BBX: variants seen among roughly 807,000 people sequenced by gnomAD.
The protein encoded by BBX is BBX high mobility group box domain containing.
A neutral mutation model predicts 100.2 loss-of-function variants in BBX; 30 were observed. The ratio of observed to expected loss-of-function variants is 0.30; its 90% CI spans 0.22 to 0.41. The LOEUF is 0.41. BBX is among the 10% of genes least tolerant of loss of function. The pLI is 1.00. For missense variants in BBX, 1,023 were observed against 1,129.8 expected (o/e 0.91, Z 1.35); for synonymous variants, 376 against 388.1 (o/e 0.97, Z 0.37).
chr3:107,574,262 G>T (rs1047130698), intron 2 of BBX, among the ~76,000 whole-genome samples: 4 of 152,146 alleles, frequency 2.6e-5, no homozygotes, highest in Admixed American at 6.5e-5. Context: ...GACCTGGAAA[G>T]GTTAGGTAGG....
At chr3:107,605,866 A>G (rs1488410421) in intron 2 of BBX, among the ~76,000 whole-genome samples, 1 of 152,180 alleles carries the variant, frequency 6.6e-6, no homozygotes. Flanking sequence ...AGCTTTCTTC[A>G]GTACTATTTT....
intron 12 of BBX, 34 bp downstream of exon 12, chr3:107,774,891 A>G: frequency 1.9e-6 from 3 of 1,603,716 alleles, no homozygotes; most frequent in Non-Finnish European, 2.6e-6. Context: ...CCTGTACTCC[A>G]CAAGCCTCAA....
rs187969050 is a variant in BBX at position 107,547,954 on chromosome 3, T to C, written c.-84+21556T>C. Among the ~76,000 whole-genome samples the C allele has an allele frequency of 9.2e-5, 14 of 152,332 alleles. 1 individual carries two copies. In the East Asian group the frequency reaches 2.5e-3, roughly 27 times the overall value. On this transcript the variant is annotated intron_variant, in intron 2 of 17. Coordinates refer to ENST00000325805, the MANE Select transcript of BBX (RefSeq NM_001142568.3). ...ACTCTGACACCTAGATTCTAATTGCTGATTCCTGGAATGGTTGCTTGTCTT... is the reference window on the plus strand; with the variant it reads ...ACTCTGACACCTAGATTCTAATTGCCGATTCCTGGAATGGTTGCTTGTCTT...
At chr3:107,608,326 G>C (rs562102822) in intron 2 of BBX, among the ~76,000 whole-genome samples, 1 of 152,264 alleles carries the variant, frequency 6.6e-6, no homozygotes, top group South Asian at 2.1e-4. Flanking sequence ...TGAAGAGACT[G>C]TCCTTTCCCC....
chr3:107,534,228 T>C (rs2048345343), intron 2 of BBX, among the ~76,000 whole-genome samples: 1 of 152,240 alleles, frequency 6.6e-6, no homozygotes, highest in South Asian at 2.1e-4. Flanking sequence ...AGAGGGACTC[T>C]TATTAGCAAT....
At chr3:107,660,505 T>TAAAAAA in intron 3 of BBX, among the ~76,000 whole-genome samples, 1 of 101,288 alleles carries the variant, frequency 9.9e-6, no homozygotes, top group South Asian at 3.5e-4. Flanking sequence ...CAAAAAGCAT[T>TAAAAAA]AAAAAAAAAA....
At chr3:107,727,105 A>T (rs1467588163) in intron 5 of BBX, among the ~76,000 whole-genome samples, 1 of 152,084 alleles carries the variant, frequency 6.6e-6, no homozygotes, top group Non-Finnish European at 1.5e-5. Context: ...CCCCCCAAAA[A>T]AAATAGATAA....
rs201494113 is a variant in BBX at position 107,791,257 on chromosome 3, T to C, written c.2311T>C (p.Ser771Pro). 8.7e-5 allele frequency: 140 copies of C among 1,613,020 alleles called. No individual in the cohort carries two copies. Among genetic ancestry groups the C allele is most frequent in the Non-Finnish European group, 1.1e-4 (131 of 1,179,390 alleles). ...VPEKGSGDKW[S>P]NKQLFLDAIH... is the part of the protein sequence containing the mutation. ...GTTTTTAGGAAGTGGGGATAAATGGTCAAACAAGCAACTCTTCTTGGATGC... is the reference window on the plus strand; with the variant it reads ...GTTTTTAGGAAGTGGGGATAAATGGCCAAACAAGCAACTCTTCTTGGATGC... Residue 771 changes from serine to proline, a missense_variant, in exon 15 of 18, where the codon TCA (serine) becomes CCA (proline). Transcript: ENST00000325805.
chr3:107,552,451 G>T (rs570400605), intron 2 of BBX, among the ~76,000 whole-genome samples: 9 of 149,750 alleles, frequency 6.0e-5, no homozygotes, highest in Admixed American at 4.6e-4. Context: ...GTATTCAAAG[G>T]TAAACTCTTA....
chr3:107,538,501 A>G (rs1180234814), intron 2 of BBX, among the ~76,000 whole-genome samples: 1 of 152,186 alleles, frequency 6.6e-6, no homozygotes, highest in Non-Finnish European at 1.5e-5. Flanking sequence ...ATCCTTAAGA[A>G]TTAGGATGAT....
intron 2 of BBX, among the ~76,000 whole-genome samples, chr3:107,578,184 A>T (rs1211232281): frequency 6.6e-6 from 1 of 152,204 alleles, no homozygotes; most frequent in Non-Finnish European, 1.5e-5. Context: ...GTTGTAAAGA[A>T]TCAGCTCTTC....
At chr3:107,737,360 A>G (rs1247782089) in intron 7 of BBX, among the ~76,000 whole-genome samples, 1 of 151,966 alleles carries the variant, frequency 6.6e-6, no homozygotes, top group African/African-American at 2.4e-5. Flanking sequence ...CTTAGCAGAA[A>G]TTACCGTTGT....
At chr3:107,553,644 A>C (rs2049866790) in intron 2 of BBX, among the ~76,000 whole-genome samples, 1 of 152,326 alleles carries the variant, frequency 6.6e-6, no homozygotes, top group South Asian at 2.1e-4. Context: ...AATCCAAGTC[A>C]ACAACTGAAA....
rs966910225 is a variant in BBX, at chr3:107,806,058, C to T, written c.*601C>T. The T allele has an allele frequency of 6.6e-6, 1 of 151,334 alleles. No homozygotes were observed. Among genetic ancestry groups the T allele is most frequent in the Non-Finnish European group, 1.5e-5 (1 of 67,950 alleles). The allele number at this position is 151,334 out of a possible 1,614,324, so 9.4% of individuals were successfully genotyped here. A position where few individuals can be genotyped will look rare whatever the true frequency, so the allele number is the denominator to read the frequency against. ...CCATTGTTAGTGGTGTATGCTCGGC[C>T]TCGTGGTCCATATATTCTGCACTTT... is the stretch of plus-strand genomic sequence containing the variant. On this transcript the variant is annotated 3_prime_UTR_variant, in exon 18 of 18. Coordinates refer to ENST00000325805, the MANE Select transcript of BBX (RefSeq NM_001142568.3).
intron 3 of BBX, among the ~76,000 whole-genome samples, chr3:107,659,938 A>G (rs927581714): frequency 6.6e-6 from 1 of 152,148 alleles, no homozygotes; most frequent in Non-Finnish European, 1.5e-5. Flanking sequence ...TCTATGTAAT[A>G]GCTCTGTCTT....
chr3:107,727,328 A>G (rs986560564), intron 5 of BBX, among the ~76,000 whole-genome samples: 2 of 152,120 alleles, frequency 1.3e-5, no homozygotes, highest in East Asian at 3.9e-4. Context: ...AGGCAAAGCT[A>G]TTTGTCTGCC....
chr3:107,593,570 G>A (rs1209545710), intron 2 of BBX, among the ~76,000 whole-genome samples: 1 of 152,216 alleles, frequency 6.6e-6, no homozygotes, highest in Non-Finnish European at 1.5e-5. Context: ...GGGTTGTAAA[G>A]ATGAACAAGA....
intron 6 of BBX, among the ~76,000 whole-genome samples, chr3:107,731,830 A>G (rs1460195050): frequency 6.6e-6 from 1 of 152,120 alleles, no homozygotes; most frequent in Non-Finnish European, 1.5e-5. Flanking sequence ...AAAAGAAACA[A>G]CTGAATTTCT....
intron 3 of BBX, among the ~76,000 whole-genome samples, chr3:107,685,584 C>T (rs1230360125): frequency 1.3e-5 from 2 of 152,216 alleles, no homozygotes; most frequent in Non-Finnish European, 2.9e-5. Context: ...GGCTATCCTG[C>T]CATGAGTAAT....
Sources: allele counts gnomAD v4.1 joint callset (sites outside exome capture counted in the v4.1 genomes callset), GRCh38; gene constraint gnomAD v4.1.1; transcripts MANE v1.5; gene names NCBI Gene and HGNC (gene_info 2026-07-23, HGNC 2026-07-21).